STXBP5L: variants seen among roughly 807,000 people sequenced by gnomAD.
The protein encoded by STXBP5L is syntaxin-binding protein 5-like.
Under a neutral mutation model 144.5 loss-of-function variants are expected in STXBP5L, and 65 were observed. The ratio of observed to expected loss-of-function variants is 0.45; its 90% CI spans 0.37 to 0.55. The LOEUF (loss-of-function observed/expected upper bound fraction) is 0.55, where lower values mean the gene tolerates loss of function less well. Among genes scored for constraint, STXBP5L ranks in the 20% least tolerant of loss-of-function variants. STXBP5L has a pLI of 0.00. For synonymous variants in STXBP5L, 505 were observed against 469.6 expected (o/e 1.08, Z -0.97); for missense variants, 1,298 against 1,405.5 (o/e 0.92, Z 1.22).
intron 20 of STXBP5L, among the ~76,000 whole-genome samples, chr3:121,378,250 T>C (rs1231125997): frequency 1.3e-5 from 2 of 152,200 alleles, no homozygotes; most frequent in African/African-American, 4.8e-5. Context: ...GACAGGTTTA[T>C]AGGTACAGCA....
chr3:121,055,582 C>T (rs1197226355), intron 5 of STXBP5L, among the ~76,000 whole-genome samples: 1 of 152,044 alleles, frequency 6.6e-6, no homozygotes, highest in East Asian at 1.9e-4. Context: ...GTGATCCTAG[C>T]TCACTGCAGC....
intron 22 of STXBP5L, among the ~76,000 whole-genome samples, chr3:121,405,212 T>C (rs2046969120): frequency 6.6e-6 from 1 of 152,194 alleles, no homozygotes; most frequent in South Asian, 2.1e-4. Context: ...ACATATGATT[T>C]TTTTTACAAG....
Position 121,161,947 on chromosome 3 carries a change from A to G in STXBP5L, c.877+4320A>G, listed in dbSNP as rs549837192. On this transcript the variant is annotated intron_variant, in intron 9 of 26. Transcript: ENST00000471454. ...TGAAATATGATATTTAAAAATTTAG[A>G]AAGAGTATTCAAAATTTTAGTTTCT... 1.1e-4 allele frequency among the ~76,000 whole-genome samples: 17 copies of G among 152,294 alleles called. No individual in the cohort carries two copies. In the South Asian group the frequency reaches 3.3e-3, roughly 30 times the overall value.
chr3:121,355,128 T>C (rs1223695875), intron 20 of STXBP5L, among the ~76,000 whole-genome samples: 3 of 152,222 alleles, frequency 2.0e-5, no homozygotes, highest in East Asian at 3.8e-4. Context: ...CATTTTTTCC[T>C]TCATTTCAAC....
At chr3:121,002,382 C>T (rs1278218756) in intron 3 of STXBP5L, among the ~76,000 whole-genome samples, 1 of 151,926 alleles carries the variant, frequency 6.6e-6, no homozygotes, top group African/African-American at 2.4e-5. Flanking sequence ...AGGTCATTTG[C>T]CCATTTTAAA....
chr3:121,135,596 T>C lies in STXBP5L; in HGVS notation c.669+13892T>C, dbSNP rs181113967. ...GATCCCTTGCATGTGTACTTTACAG[T>C]AGGGTTCACAATCCAATGAGAATCT... On this transcript the variant is annotated intron_variant, in intron 7 of 26. Coordinates refer to ENST00000471454, the MANE Select transcript of STXBP5L (RefSeq NM_001308330.2). Among the ~76,000 whole-genome samples the C allele has an allele frequency of 3.9e-5, 6 of 152,274 alleles. No homozygotes were observed. The East Asian group carries it at 1.2e-3, about 29-fold the overall frequency.
intron 6 of STXBP5L, among the ~76,000 whole-genome samples, chr3:121,117,666 A>C (rs1408395055): frequency 6.6e-6 from 1 of 151,820 alleles, no homozygotes; most frequent in Non-Finnish European, 1.5e-5. Context: ...TTATCTAAAA[A>C]AATATGAGAT....
At chr3:121,303,257 G>A (rs909969099) in intron 19 of STXBP5L, among the ~76,000 whole-genome samples, 1 of 152,118 alleles carries the variant, frequency 6.6e-6, no homozygotes, top group African/African-American at 2.4e-5. Flanking sequence ...CATTTACACA[G>A]CCAAAAGACA....
intron 7 of STXBP5L, among the ~76,000 whole-genome samples, chr3:121,123,819 T>G (rs1307241441): frequency 1.3e-5 from 2 of 151,816 alleles, no homozygotes; most frequent in African/African-American, 4.8e-5. Context: ...ACTTTACTTC[T>G]TGTATATCAG....
Position 121,422,348 on chromosome 3 carries a change from CCA to C in STXBP5L, c.*3254_*3255del, listed in dbSNP as rs1174263544. On this transcript the variant is annotated 3_prime_UTR_variant, in exon 27 of 27. Transcript: ENST00000471454. The stretch of plus-strand genomic sequence containing the variant: ...GACATCAGAAGATAAGGCTTGCAAA[CCA>C]CAGTCCCAACAAGTTGACCTTGTCT... 3 of 152,160 alleles carry C rather than the reference CCA, an allele frequency of 2.0e-5. No homozygotes were observed. The highest frequency in any genetic ancestry group is 2.9e-5 in the Non-Finnish European group (2 of 68,024). The allele number at this position is 152,160 out of a possible 1,614,324, so 9.4% of individuals were successfully genotyped here. A position where few individuals can be genotyped will look rare whatever the true frequency, so the allele number is the denominator to read the frequency against.
chr3:121,378,698 T>C lies in STXBP5L; in HGVS notation c.2177-18T>C. On this transcript the variant is annotated intron_variant, in intron 20 of 26. Coordinates refer to ENST00000471454, the MANE Select transcript of STXBP5L (RefSeq NM_001308330.2). ...AGTTAATCATTATATGTATGCTGCC[T>C]TCCTCCTCTTGGCACAGACCATGTA... The C allele has an allele frequency of 1.2e-6, 2 of 1,610,778 alleles. No homozygotes were observed. Among genetic ancestry groups the C allele is most frequent in the South Asian group, 2.2e-5 (2 of 90,858 alleles).
chr3:121,264,500 G>A (rs377037561), intron 18 of STXBP5L, among the ~76,000 whole-genome samples: 41 of 152,100 alleles, frequency 2.7e-4, no homozygotes, highest in African/African-American at 9.6e-4. Flanking sequence ...AGAAAAAACC[G>A]GTACTAGCCA....
At chr3:121,137,509 G>A (rs2045314958) in intron 7 of STXBP5L, among the ~76,000 whole-genome samples, 1 of 152,088 alleles carries the variant, frequency 6.6e-6, no homozygotes, top group African/African-American at 2.4e-5. Context: ...AAATATTCCT[G>A]ATGAACATAG....
At chr3:121,014,167 A>G (rs1250558162) in intron 3 of STXBP5L, among the ~76,000 whole-genome samples, 1 of 151,820 alleles carries the variant, frequency 6.6e-6, no homozygotes, top group East Asian at 1.9e-4. Flanking sequence ...TTCTAATTCC[A>G]TGAAAAGTCA....
intron 3 of STXBP5L, among the ~76,000 whole-genome samples, chr3:121,005,386 A>G (rs527539484): frequency 3.0e-4 from 45 of 152,022 alleles, no homozygotes; most frequent in Non-Finnish European, 5.2e-4. Context: ...TTCTGTGTGA[A>G]CGGTGGTGAT....
intron 20 of STXBP5L, among the ~76,000 whole-genome samples, chr3:121,363,764 G>A (rs747944985): frequency 2.6e-5 from 4 of 151,900 alleles, no homozygotes; most frequent in African/African-American, 9.7e-5. Flanking sequence ...TTTTTTTTCT[G>A]TGTAGATATT....
chr3:121,377,270 G>T (rs1395887339), intron 20 of STXBP5L, among the ~76,000 whole-genome samples: 1 of 152,056 alleles, frequency 6.6e-6, no homozygotes, highest in African/African-American at 2.4e-5. Context: ...CAGGACATAG[G>T]CATGGACAAA....
intron 11 of STXBP5L, among the ~76,000 whole-genome samples, chr3:121,230,555 G>A (rs1351838467): frequency 2.6e-5 from 4 of 151,758 alleles, no homozygotes; most frequent in Non-Finnish European, 5.9e-5. Context: ...AACAATCTTA[G>A]ACTAGTCCCA....
intron 7 of STXBP5L, among the ~76,000 whole-genome samples, chr3:121,141,247 T>C (rs2045491135): frequency 6.6e-6 from 1 of 151,836 alleles, no homozygotes; most frequent in African/African-American, 2.4e-5. Context: ...CTACTAAAAA[T>C]ACAAAATTAG....
Sources: allele counts gnomAD v4.1 joint callset (sites outside exome capture counted in the v4.1 genomes callset), GRCh38; gene constraint gnomAD v4.1.1; transcripts MANE v1.5; gene names NCBI Gene and HGNC (gene_info 2026-07-23, HGNC 2026-07-21).